Variants in TFDP2 observed in about 807,000 individuals in gnomAD.
The protein encoded by TFDP2 is transcription factor Dp-2 (E2F dimerization partner 2).
TFDP2 carries 17 observed loss-of-function variants against 59.3 expected under a neutral mutation model. The observed-to-expected ratio is 0.29, with a 90% CI of 0.20 to 0.43. TFDP2 has a LOEUF of 0.43. TFDP2 is among the 20% of genes least tolerant of loss of function. The pLI is 1.00. For synonymous variants in TFDP2, 180 were observed against 194.7 expected (o/e 0.92, Z 0.63); for missense variants, 391 against 528.8 (o/e 0.74, Z 2.56).
intron 1 of TFDP2, among the ~76,000 whole-genome samples, chr3:142,116,923 A>T (rs1264768733): frequency 1.3e-5 from 2 of 150,764 alleles, no homozygotes; most frequent in African/African-American, 2.4e-5. Flanking sequence ...AGTCATCTGG[A>T]AAAGGATTTT....
intron 3 of TFDP2, among the ~76,000 whole-genome samples, chr3:142,015,660 G>A (rs946207783): frequency 6.6e-6 from 1 of 152,152 alleles, no homozygotes; most frequent in African/African-American, 2.4e-5. Flanking sequence ...GCAGCTCCAT[G>A]CTGCTGCCCA....
At chr3:142,032,782 T>A (rs1323395781) in intron 3 of TFDP2, among the ~76,000 whole-genome samples, 1 of 152,154 alleles carries the variant, frequency 6.6e-6, no homozygotes, top group Non-Finnish European at 1.5e-5. Flanking sequence ...CTAACATATA[T>A]CATTCTCCCA....
intron 9 of TFDP2, 125 bp downstream of exon 9, chr3:141,969,948 G>C: frequency 2.3e-6 from 2 of 878,562 alleles, no homozygotes; most frequent in Non-Finnish European, 3.8e-6. Context: ...GGAGGTGAGA[G>C]AGGCTGCCCT....
rs191248692 is a variant in TFDP2, at chr3:141,984,367, C to T, written c.357-5685G>A. On this transcript the variant is annotated intron_variant, in intron 6 of 12. Transcript: ENST00000489671. ...ACAAAAATTAGCTGGTGTGGTGGCG[C>T]GTGCCTGTAGTCTCAGCTACTTGGG... Among the ~76,000 whole-genome samples the T allele has an allele frequency of 3.1e-3, 477 of 152,134 alleles. 1 individual carries two copies. Among genetic ancestry groups the T allele is most frequent in the Admixed American group, 5.9e-3 (90 of 15,284 alleles).
In TFDP2 at chr3:142,044,916, A is replaced by C. The variant is rs1205591119; in HGVS notation, c.83-39372T>G. 2.0e-5 allele frequency among the ~76,000 whole-genome samples: 3 copies of C among 152,134 alleles called. No homozygotes were observed. The East Asian group carries it at 5.8e-4, about 29-fold the overall frequency. On this transcript the variant is annotated intron_variant, in intron 3 of 12. Coordinates refer to ENST00000489671, the MANE Select transcript of TFDP2 (RefSeq NM_001178139.2). ...AGCTAATTCATGAAGGCTTTAATAT[A>C]GAATCTGGTACTCAATATATATTTA...
intron 4 of TFDP2, among the ~76,000 whole-genome samples, chr3:141,998,558 A>G (rs1448131821): frequency 6.6e-6 from 1 of 152,220 alleles, no homozygotes; most frequent in African/African-American, 2.4e-5. Flanking sequence ...CGGAGGCTGC[A>G]GTGAGCTGAG....
chr3:141,963,347 T>C (rs1937555869), intron 10 of TFDP2, among the ~76,000 whole-genome samples: 1 of 152,206 alleles, frequency 6.6e-6, no homozygotes, highest in Non-Finnish European at 1.5e-5. Flanking sequence ...TATTCATACA[T>C]TCATTAATAA....
At chr3:141,977,369 C>G (rs528542738) in intron 7 of TFDP2, among the ~76,000 whole-genome samples, 7 of 120,128 alleles carry the variant, frequency 5.8e-5, no homozygotes, top group African/African-American at 2.2e-4. Context: ...TCAAGGAGTT[C>G]AAAATCAGCC....
Position 142,010,158 on chromosome 3 carries a change from G to GT in TFDP2, c.83-4615dup, listed in dbSNP as rs1203407575. 5.3e-5 allele frequency among the ~76,000 whole-genome samples: 8 copies of GT among 152,134 alleles called. 1 individual carries two copies. The highest frequency in any genetic ancestry group is 1.9e-4 in the African/African-American group (8 of 41,510). ...TGGTAAACAAATGTGCAAGGCACAGGTCATTTGATTACCATTCTTAAAAAT... is the reference window on the plus strand; with the variant it reads ...TGGTAAACAAATGTGCAAGGCACAGGTTCATTTGATTACCATTCTTAAAAAT... On this transcript the variant is annotated intron_variant, in intron 3 of 12. Transcript: ENST00000489671.
chr3:141,952,618 G>A lies in TFDP2; in HGVS notation c.1236C>T (p.Ser412=), dbSNP rs777817894. Residue 412 remains serine (S), a synonymous_variant, in exon 13 of 13, where the codon TCC becomes TCT. Transcript: ENST00000489671. The stretch of plus-strand genomic sequence containing the variant: ...CGGAGCAGTGAGAGGCCGCACTGCT[G>A]GACTGGTGACTGTTTGGGGCCAGGA... ...GQFLAPNSHQ[S]SSAASHCSES... 4 of 1,591,314 alleles carry A rather than the reference G, an allele frequency of 2.5e-6. No homozygotes were observed. The South Asian group carries it at 4.6e-5, about 18-fold the overall frequency.
intron 1 of TFDP2, among the ~76,000 whole-genome samples, chr3:142,143,297 T>C (rs1376591585): frequency 6.6e-6 from 1 of 152,036 alleles, no homozygotes; most frequent in Non-Finnish European, 1.5e-5. Flanking sequence ...ACTGTGAAAC[T>C]ACTAGAAGAA....
intron 3 of TFDP2, among the ~76,000 whole-genome samples, chr3:142,061,194 A>T (rs1208941081): frequency 6.6e-6 from 1 of 152,218 alleles, no homozygotes; most frequent in Non-Finnish European, 1.5e-5. Flanking sequence ...TCCTTGAAAT[A>T]AAGTTAAAAT....
intron 1 of TFDP2, 129 bp downstream of exon 1, chr3:142,149,054 T>G: frequency 5.1e-6 from 2 of 392,982 alleles, no homozygotes; most frequent in Non-Finnish European, 9.0e-6. Context: ...AACCCAGGTC[T>G]AAACAGATGG....
At chr3:142,107,613 T>C (rs1441253740) in intron 1 of TFDP2, among the ~76,000 whole-genome samples, 1 of 152,186 alleles carries the variant, frequency 6.6e-6, no homozygotes, top group Non-Finnish European at 1.5e-5. Flanking sequence ...CTCAAGTGCT[T>C]CACATGTATA....
At chr3:142,130,268 G>A (rs144828157) in intron 1 of TFDP2, among the ~76,000 whole-genome samples, 3 of 152,092 alleles carry the variant, frequency 2.0e-5, no homozygotes, top group Non-Finnish European at 4.4e-5. Flanking sequence ...GCCTTAATAA[G>A]GCATGATATT....
chr3:142,033,469 T>G (rs767383424), intron 3 of TFDP2, among the ~76,000 whole-genome samples: 2 of 152,294 alleles, frequency 1.3e-5, no homozygotes, highest in Non-Finnish European at 2.9e-5. Flanking sequence ...AAAACCCCTA[T>G]GCATGCTTTA....
chr3:142,147,256 T>C (rs1193910945), intron 1 of TFDP2, among the ~76,000 whole-genome samples: 1 of 152,218 alleles, frequency 6.6e-6, no homozygotes, highest in Non-Finnish European at 1.5e-5. Flanking sequence ...GATTTAAGTA[T>C]GAAGAGGTGA....
intron 1 of TFDP2, among the ~76,000 whole-genome samples, chr3:142,144,130 T>C (rs1006735735): frequency 5.3e-5 from 8 of 152,128 alleles, no homozygotes; most frequent in African/African-American, 1.9e-4. Flanking sequence ...TCCCAGCACT[T>C]TGGGAGGCCA....
intron 9 of TFDP2, among the ~76,000 whole-genome samples, chr3:141,968,258 TTA>T (rs1305217451): frequency 7.3e-6 from 1 of 137,068 alleles, no homozygotes; most frequent in Non-Finnish European, 1.5e-5. Context: ...ATATTATATA[TTA>T]TATATAATTA....
Sources: allele counts gnomAD v4.1 joint callset (sites outside exome capture counted in the v4.1 genomes callset), GRCh38; gene constraint gnomAD v4.1.1; transcripts MANE v1.5; gene names NCBI Gene and HGNC (gene_info 2026-07-23, HGNC 2026-07-21).